The following DLG4 variants were observed in gnomAD, a reference collection of about 807,000 sequenced individuals.
The protein encoded by DLG4 is discs large MAGUK scaffold protein 4, also known as disks large homolog 4.
Under a neutral mutation model 93.8 loss-of-function variants are expected in DLG4, and 7 were observed. That is an observed-to-expected ratio of 0.07 (90% CI 0.04 to 0.14). The LOEUF is 0.14. Ranked by LOEUF, DLG4 falls within the 10% of genes least tolerant of loss-of-function variation. The pLI is 1.00. For missense variants in DLG4, 545 were observed against 992.9 expected (o/e 0.55, Z 6.06); for synonymous variants, 341 against 387.6 (o/e 0.88, Z 1.41).
rs1276794564 is a variant in DLG4, at chr17:7,188,416, A to G, written c.*2292T>C. ...CACTGTTTGGGATTTAACCACCATAACTCTTAGGGCCCTCTGCCTCAGCCT... is the reference window on the plus strand; with the variant it reads ...CACTGTTTGGGATTTAACCACCATAGCTCTTAGGGCCCTCTGCCTCAGCCT... On this transcript the variant is annotated 3_prime_UTR_variant, in exon 20 of 20. Coordinates refer to ENST00000399506, the MANE Select transcript of DLG4 (RefSeq NM_001321075.3). Among the ~76,000 whole-genome samples, 4 of 151,858 alleles carry G rather than the reference A, an allele frequency of 2.6e-5. No individual in the cohort carries two copies. Among genetic ancestry groups the G allele is most frequent in the African/African-American group, 9.7e-5 (4 of 41,328 alleles).
Position 7,208,042 on chromosome 17 carries a change from C to T in DLG4, c.96+132G>A, listed in dbSNP as rs746940956. 1.6e-6 allele frequency: 2 copies of T among 1,290,234 alleles called. No homozygotes were observed. Among genetic ancestry groups the T allele is most frequent in the East Asian group, 2.8e-5 (1 of 35,178 alleles). The allele number at this position is 1,290,234 out of a possible 1,614,324, so 79.9% of individuals were successfully genotyped here. A position where few individuals can be genotyped will look rare whatever the true frequency, so the allele number is the denominator to read the frequency against. On this transcript the variant is annotated intron_variant, in intron 2 of 19. Coordinates refer to ENST00000399506, the MANE Select transcript of DLG4 (RefSeq NM_001321075.3). This position sits in a 1 kb window ranked among gnomAD's most constrained non-coding sequence, Gnocchi z 5.4. ...GCTGCAGCTCCGAGGCTCCGAGGGC[C>T]GCACTGGGGAGGGGGCCACCAGGGT...
Position 7,188,491 on chromosome 17 carries a change from G to A in DLG4, c.*2217C>T, listed in dbSNP as rs1362354005. 1.3e-5 allele frequency among the ~76,000 whole-genome samples: 2 copies of A among 152,122 alleles called. No individual in the cohort carries two copies. The highest frequency in any genetic ancestry group is 2.9e-5 in the Non-Finnish European group (2 of 68,032). On this transcript the variant is annotated 3_prime_UTR_variant, in exon 20 of 20. Coordinates refer to ENST00000399506, the MANE Select transcript of DLG4 (RefSeq NM_001321075.3). The stretch of plus-strand genomic sequence containing the variant: ...AGAGAAAGGAATAGTACCCCAGCAG[G>A]TGCCCCCAAAGGTTCATCTGTGCCA...
At chr17:7,219,926 G>GTGCAGGACGCGGGCA (rs756798696), upstream of DLG4, 1 of 1,573,042 alleles carries the variant, frequency 6.4e-7, no homozygotes, top group Non-Finnish European at 8.6e-7. Flanking sequence ...GGACGTGGGC[G>GTGCAGGACGCGGGCA]TGCAGGACGC....
At position 7,189,614 on chromosome 17, in the gene DLG4, G is replaced by A. The variant is rs781229676; in HGVS notation, c.*1094C>T. 6.6e-6 allele frequency among the ~76,000 whole-genome samples: 1 copy of A among 152,164 alleles called. No individual in the cohort carries two copies. Among genetic ancestry groups the A allele is most frequent in the Non-Finnish European group, 1.5e-5 (1 of 68,028 alleles). On this transcript the variant is annotated 3_prime_UTR_variant, in exon 20 of 20. Transcript: ENST00000399506. ...TAAGGACTGTTGTGCTTCCCAACAG[G>A]ACTGAGACAGCCCGGCAGGGATCAG...
In DLG4 at chr17:7,199,940, A is replaced by C. The variant is rs552002079; in HGVS notation, c.788-2888T>G. On this transcript the variant is annotated intron_variant, in intron 8 of 19. Coordinates refer to ENST00000399506, the MANE Select transcript of DLG4 (RefSeq NM_001321075.3). ...GCTTGCAGTGAGCCAAGATCGTGCC[A>C]CTGCACTCCAGCCTGGGCGACAGAG... Among the ~76,000 whole-genome samples the C allele has an allele frequency of 1.1e-4, 17 of 151,040 alleles. No homozygotes were observed. The South Asian group carries it at 3.6e-3, about 32-fold the overall frequency.
At chr17:7,197,103 C>T in intron 8 of DLG4, 51 bp from the exon 9 acceptor site, 1 of 1,514,996 alleles carries the variant, frequency 6.6e-7, no homozygotes, top group South Asian at 1.3e-5. Context: ...ACAGCACCCG[C>T]CACCCAACCT....
Position 7,193,315 on chromosome 17 carries a change from G to A in DLG4, c.1693+168C>T, listed in dbSNP as rs942037371. Among the ~76,000 whole-genome samples the A allele has an allele frequency of 6.6e-6, 1 of 152,066 alleles. No individual in the cohort carries two copies. Among genetic ancestry groups the A allele is most frequent in the African/African-American group, 2.4e-5 (1 of 41,418 alleles). On this transcript the variant is annotated intron_variant, in intron 16 of 19. Transcript: ENST00000399506. This position sits in a 1 kb window ranked among gnomAD's most constrained non-coding sequence, Gnocchi z 6.7. ...GCCTCCAAGTCTCTGGCCTGGGCATGGGTACTATGGAATGAGAGGGTGGCT... is the reference window on the plus strand; with the variant it reads ...GCCTCCAAGTCTCTGGCCTGGGCATAGGTACTATGGAATGAGAGGGTGGCT...
rs1287327171 is a variant in DLG4, at chr17:7,190,530, T to G, written c.*178A>C. ...GGCGTTCAGGAGCCCAGTTCTGGGG[T>G]GCGGGGATACATGCAGAGGAGTGTC... is the stretch of plus-strand genomic sequence containing the variant. On this transcript the variant is annotated 3_prime_UTR_variant, in exon 20 of 20. Transcript: ENST00000399506. The G allele has an allele frequency of 2.2e-4, 132 of 601,790 alleles. No individual in the cohort carries two copies. In the African/African-American group the frequency reaches 2.3e-3, roughly 10 times the overall value. The allele number at this position is 601,790 out of a possible 1,614,324, so 37.3% of individuals were successfully genotyped here.
chr17:7,211,781 GGGCGGGGGCTGCGGCGGC>G (rs1420724268), intron 1 of DLG4: 1 of 128,032 alleles, frequency 7.8e-6, no homozygotes, highest in Admixed American at 7.7e-5. Context: ...AGGGGCAGAG[GGGCGGGGGCTGCGGCGGC>G]CGCGGCAACT....
chr17:7,195,271 C>T lies in DLG4; in HGVS notation c.1302-776G>A, dbSNP rs1420082869. Among the ~76,000 whole-genome samples the T allele has an allele frequency of 5.3e-5, 8 of 152,236 alleles. No homozygotes were observed. Among genetic ancestry groups the T allele is most frequent in the African/African-American group, 1.7e-4 (7 of 41,544 alleles). On this transcript the variant is annotated intron_variant, in intron 11 of 19. Coordinates refer to ENST00000399506, the MANE Select transcript of DLG4 (RefSeq NM_001321075.3). This position sits in a 1 kb window ranked among gnomAD's most constrained non-coding sequence, Gnocchi z 4.3. Reference sequence around the variant, plus strand: ...ATGGGCCTGGAGAGGAGGGAGGAGACCCCGGGCCCCCTGGAAGTGTGACAA... The same window carrying T: ...ATGGGCCTGGAGAGGAGGGAGGAGATCCCGGGCCCCCTGGAAGTGTGACAA...
At position 7,191,800 on chromosome 17, in the gene DLG4, G is replaced by A; in HGVS notation, c.1976+93C>T. 1 of 919,014 alleles carries A rather than the reference G, an allele frequency of 1.1e-6. No individual in the cohort carries two copies. The allele number at this position is 919,014 out of a possible 1,614,324, so 56.9% of individuals were successfully genotyped here. On this transcript the variant is annotated intron_variant, in intron 18 of 19. Transcript: ENST00000399506. This position sits in a 1 kb window ranked among gnomAD's most constrained non-coding sequence, Gnocchi z 6.6. ...GGGGCTGCTGAAACCGCTGTCCAGGGTTCTGAAGGGAGAGTTGAACGCAGA... is the reference window on the plus strand; with the variant it reads ...GGGGCTGCTGAAACCGCTGTCCAGGATTCTGAAGGGAGAGTTGAACGCAGA...
At position 7,194,345 on chromosome 17, in the gene DLG4, G is replaced by A. The variant is rs1206858981; in HGVS notation, c.1452C>T (p.Asp484=). ...GCCGTTTGCTGGGGATGAACCCAAT[G>A]TCGTCGGTCTCACTGTCAGAGTGGA... ...RRVHSDSETD[D]IGFIPSKRRV... The change falls in exon 12 of 20, where the codon GAC becomes GAT. Residue 484 remains aspartate, a synonymous_variant. Coordinates refer to ENST00000399506, the MANE Select transcript of DLG4 (RefSeq NM_001321075.3). This position sits in a 1 kb window ranked among gnomAD's most constrained non-coding sequence, Gnocchi z 4.4. The A allele has an allele frequency of 1.9e-6, 3 of 1,607,660 alleles. No individual in the cohort carries two copies. The South Asian group carries it at 3.3e-5, about 18-fold the overall frequency.
Position 7,203,380 on chromosome 17 carries a change from C to A in DLG4, c.505+44G>T. ...GGTGCCCAGGAAGCAGGCTTGGGGG[C>A]ACAGGACAGTTGGGATGGGGGTGGG... On this transcript the variant is annotated intron_variant, in intron 6 of 19. Coordinates refer to ENST00000399506, the MANE Select transcript of DLG4 (RefSeq NM_001321075.3). This position sits in a 1 kb window ranked among gnomAD's most constrained non-coding sequence, Gnocchi z 7.2. The A allele has an allele frequency of 6.3e-7, 1 of 1,593,276 alleles. No homozygotes were observed. The highest frequency in any genetic ancestry group is 8.6e-7 in the Non-Finnish European group (1 of 1,163,730).
Position 7,196,816 on chromosome 17 carries a change from G to A in DLG4, c.1024C>T (p.Leu342=). ...DGEGIFISFI[L]AGGPADLSGE... ...CTGAGGTCTGCAGGGCCCCCGGCCAGGATAAAGGAGATGAAGATGCCTTCA... is the reference window on the plus strand; with the variant it reads ...CTGAGGTCTGCAGGGCCCCCGGCCAAGATAAAGGAGATGAAGATGCCTTCA... The change falls in exon 9 of 20, where the codon CTG becomes TTG. Residue 342 remains leucine, a synonymous_variant. Transcript: ENST00000399506. This position sits in a 1 kb window ranked among gnomAD's most constrained non-coding sequence, Gnocchi z 8.3. 1 of 1,612,800 alleles carries A rather than the reference G, an allele frequency of 6.2e-7. No individual in the cohort carries two copies. Among genetic ancestry groups the A allele is most frequent in the Non-Finnish European group, 8.5e-7 (1 of 1,179,450 alleles).
At position 7,191,642 on chromosome 17, in the gene DLG4, C is replaced by G. The variant is rs2069503308; in HGVS notation, c.1976+251G>C. 1.7e-6 allele frequency: 1 copy of G among 592,230 alleles called. No individual in the cohort carries two copies. The highest frequency in any genetic ancestry group is 3.0e-6 in the Non-Finnish European group (1 of 330,412). The allele number at this position is 592,230 out of a possible 1,614,324, so 36.7% of individuals were successfully genotyped here. A position where few individuals can be genotyped will look rare whatever the true frequency, so the allele number is the denominator to read the frequency against. ...ATTCGGACTCCAATTCCCAACAGCC[C>G]TAGAGGCCCTGACTCGCCCCAGCTG... On this transcript the variant is annotated intron_variant, in intron 18 of 19. Coordinates refer to ENST00000399506, the MANE Select transcript of DLG4 (RefSeq NM_001321075.3). The surrounding 1 kb of genome is among the most constrained non-coding windows in gnomAD (Gnocchi z 6.6).
In DLG4 at chr17:7,191,124, T is replaced by G. The variant is rs1597436109; in HGVS notation, c.2068+143A>C. The G allele has an allele frequency of 4.1e-6, 3 of 735,118 alleles. No homozygotes were observed. In the East Asian group the frequency reaches 8.1e-5, roughly 20 times the overall value. 45.5% of individuals were successfully genotyped at this position (735,118 alleles called of 1,614,324 possible). A position where few individuals can be genotyped will look rare whatever the true frequency, so the allele number is the denominator to read the frequency against. Reference sequence around the variant, plus strand: ...AGCTGGGATTACAGGTGCCCGCCAGTGCTGGGATTACAGGCGTGAGCCACC... The same window carrying G: ...AGCTGGGATTACAGGTGCCCGCCAGGGCTGGGATTACAGGCGTGAGCCACC... On this transcript the variant is annotated intron_variant, in intron 19 of 19. Coordinates refer to ENST00000399506, the MANE Select transcript of DLG4 (RefSeq NM_001321075.3). This position sits in a 1 kb window ranked among gnomAD's most constrained non-coding sequence, Gnocchi z 6.6.
At chr17:7,215,003 A>G (rs507506) in intron 1 of DLG4, among the ~76,000 whole-genome samples, 83,195 of 151,982 alleles carry the variant, frequency 0.55, 23,253 homozygotes, top group Middle Eastern at 0.69. Context: ...AGCACTCCCT[A>G]CCCCATCCAG....
intron 1 of DLG4, among the ~76,000 whole-genome samples, chr17:7,212,015 TCTCTAGTTCTCAGGGAC>T (rs899993499): frequency 2.6e-5 from 4 of 151,960 alleles, no homozygotes; most frequent in African/African-American, 9.7e-5. Context: ...CCAGTTTATC[TCTCTAGTTCTCAGGGAC>T]CCCTTATTCC....
rs1024405831 is a variant in DLG4, at chr17:7,189,488, CA to C, written c.*1219del. ...TGTGCGACAGAGCAAGACTCTGTCT[CA>C]AAAAAAAAAACAAAAAAACAAAAAA... On this transcript the variant is annotated 3_prime_UTR_variant, in exon 20 of 20. Transcript: ENST00000399506. 4.8e-4 allele frequency among the ~76,000 whole-genome samples: 65 copies of C among 134,308 alleles called. No individual in the cohort carries two copies. The highest frequency in any genetic ancestry group is 6.0e-4 in the Admixed American group (8 of 13,224). 88.1% of individuals were successfully genotyped at this position (134,308 alleles called of 152,430 possible). A position where few individuals can be genotyped will look rare whatever the true frequency, so the allele number is the denominator to read the frequency against.
Sources: gnomAD v4.1 joint callset for allele counts (sites outside exome capture counted in the v4.1 genomes callset) on GRCh38, gnomAD v4.1.1 for gene constraint, Gnocchi (gnomAD v3.1) non-coding constraint, MANE v1.5 for transcripts, NCBI Gene and HGNC (gene_info 2026-07-23, HGNC 2026-07-21) for gene names.